SETD3: variants seen among roughly 807,000 people sequenced by gnomAD.
The protein encoded by SETD3 is actin-histidine N-methyltransferase.
A neutral mutation model predicts 63.0 loss-of-function variants in SETD3; 19 were observed. The observed-to-expected ratio is 0.30, with a 90% CI of 0.21 to 0.44. The LOEUF is 0.44. SETD3 is among the 20% of genes least tolerant of loss of function. The probability of loss-of-function intolerance (pLI) is 1.00; values close to 1 mark genes in which losing one functional copy is unlikely to be tolerated. For missense variants in SETD3, 587 were observed against 728.5 expected (o/e 0.81, Z 2.24); for synonymous variants, 286 against 264.1 (o/e 1.08, Z -0.80).
chr14:99,468,114 A>G (rs1308546261), intron 1 of SETD3, among the ~76,000 whole-genome samples: 2 of 151,334 alleles, frequency 1.3e-5, no homozygotes, highest in Non-Finnish European at 2.9e-5. Flanking sequence ...TAGAATCTGA[A>G]CCCAGAACCA....
chr14:99,405,903 C>T (rs1357261066), intron 9 of SETD3, among the ~76,000 whole-genome samples: 1 of 152,176 alleles, frequency 6.6e-6, no homozygotes, highest in African/African-American at 2.4e-5. Flanking sequence ...CAGTACTTTG[C>T]TAGGCAAGTA....
At position 99,475,708 on chromosome 14, in the gene SETD3, G is replaced by A. The variant is rs143061857; in HGVS notation, c.-9+5020C>T. On this transcript the variant is annotated intron_variant, in intron 1 of 12. Coordinates refer to ENST00000331768, the MANE Select transcript of SETD3 (RefSeq NM_032233.3). Reference sequence around the variant, plus strand: ...ACAAAACCCTTCAGATGTGCTCTGAGATGGACTACCCACCTTCCTGGAACT... The same window carrying A: ...ACAAAACCCTTCAGATGTGCTCTGAAATGGACTACCCACCTTCCTGGAACT... 5.8e-3 allele frequency among the ~76,000 whole-genome samples: 890 copies of A among 152,244 alleles called. 9 individuals are homozygous for A. The highest frequency in any genetic ancestry group is 0.02 in the African/African-American group (842 of 41,528).
At chr14:99,481,156 C>T (rs1896296022), upstream of SETD3, 2 of 356,918 alleles carry the variant, frequency 5.6e-6, no homozygotes, top group Non-Finnish European at 1.0e-5. Context: ...GCCCAAGTTC[C>T]GTTAGCAGGT....
At chr14:99,465,677 C>T in intron 2 of SETD3, 26 bp downstream of exon 2, 1 of 1,579,008 alleles carries the variant, frequency 6.3e-7, no homozygotes, top group South Asian at 1.1e-5. Flanking sequence ...CACATCAAGG[C>T]AGGGAGAGCC....
At chr14:99,416,491 A>T (rs186851151) in intron 6 of SETD3, among the ~76,000 whole-genome samples, 137 of 152,350 alleles carry the variant, frequency 9.0e-4, no homozygotes, top group African/African-American at 3.2e-3. Context: ...TATACAATTA[A>T]AACAGAAAAC....
chr14:99,425,582 C>G (rs1180854151), intron 6 of SETD3, among the ~76,000 whole-genome samples: 2 of 152,236 alleles, frequency 1.3e-5, no homozygotes, highest in Non-Finnish European at 2.9e-5. Flanking sequence ...CTGCCATAAT[C>G]GCTTTGTACA....
intron 6 of SETD3, among the ~76,000 whole-genome samples, chr14:99,424,749 G>A (rs1028030936): frequency 2.0e-5 from 3 of 152,062 alleles, no homozygotes; most frequent in Non-Finnish European, 4.4e-5. Flanking sequence ...CTTGTCACAT[G>A]GTCTCAGTTT....
Position 99,404,292 on chromosome 14 carries a change from C to T in SETD3, c.1110G>A (p.Leu370=). ...CAGAGATGGGCGGCTCGGTAAAATG[C>T]AATGCAAAAACACTGGAACTGATAA... The part of the protein sequence containing the change: ...AGIPTSSVFA[L]HFTEPPISAQ... Residue 370 remains leucine (L), a synonymous_variant, in exon 11 of 13, where the codon TTG becomes TTA. Transcript: ENST00000331768. 6.2e-7 allele frequency: 1 copy of T among 1,614,002 alleles called. No homozygotes were observed. The highest frequency in any genetic ancestry group is 8.5e-7 in the Non-Finnish European group (1 of 1,179,952).
At chr14:99,455,574 A>T (rs979047383) in intron 6 of SETD3, among the ~76,000 whole-genome samples, 1 of 152,194 alleles carries the variant, frequency 6.6e-6, no homozygotes, top group African/African-American at 2.4e-5. Flanking sequence ...AGGGATCTGG[A>T]ATCAGCTAAC....
At chr14:99,410,460 G>A (rs1262694289) in intron 8 of SETD3, among the ~76,000 whole-genome samples, 1 of 152,138 alleles carries the variant, frequency 6.6e-6, no homozygotes, top group African/African-American at 2.4e-5. Context: ...TAGAGTCGCA[G>A]ATTCAAATGC....
intron 2 of SETD3, among the ~76,000 whole-genome samples, chr14:99,465,087 C>T (rs949564521): frequency 6.6e-6 from 1 of 152,142 alleles, no homozygotes; most frequent in Non-Finnish European, 1.5e-5. Context: ...AGTGAGTCGT[C>T]ATAGTGCCAT....
At chr14:99,432,662 C>G (rs986275934) in intron 6 of SETD3, among the ~76,000 whole-genome samples, 6 of 152,232 alleles carry the variant, frequency 3.9e-5, no homozygotes, top group Admixed American at 2.6e-4. Context: ...GAGATGGATG[C>G]AGACGTAACA....
At chr14:99,452,734 G>T (rs1217846390) in intron 6 of SETD3, among the ~76,000 whole-genome samples, 1 of 152,106 alleles carries the variant, frequency 6.6e-6, no homozygotes, top group African/African-American at 2.4e-5. Context: ...CAAAAACCAG[G>T]ATCACCACCG....
Position 99,402,334 on chromosome 14 carries a change from A to G in SETD3, c.1177+1891T>C, listed in dbSNP as rs554970799. ...CCTGCACGTGGGCTCTGGAGTTAACAGAGGTGGGTTCTAAGTCAGGGTCAT... is the reference window on the plus strand; with the variant it reads ...CCTGCACGTGGGCTCTGGAGTTAACGGAGGTGGGTTCTAAGTCAGGGTCAT... On this transcript the variant is annotated intron_variant, in intron 11 of 12. Transcript: ENST00000331768. 3.9e-3 allele frequency among the ~76,000 whole-genome samples: 587 copies of G among 152,354 alleles called. 3 individuals are homozygous for G. The highest frequency in any genetic ancestry group is 0.013 in the African/African-American group (553 of 41,592).
Position 99,400,191 on chromosome 14 carries a change from A to T in SETD3, c.1246T>A (p.Phe416Ile), listed in dbSNP as rs1891314651. ...ACCTCGTTGTCCCAGCTAACAGGAA[A>T]TTCCGAGTTCCCCAAGGTGAAGATT... ...DRIFTLGNSE[F>I]PVSWDNEVKL... is the part of the protein sequence containing the mutation. Residue 416 changes from phenylalanine to isoleucine, a missense_variant, in exon 12 of 13, where the codon TTT (phenylalanine) becomes ATT (isoleucine). By Grantham distance (21) the Phe-to-Ile change is conservative. Transcript: ENST00000331768. 1.2e-6 allele frequency: 2 copies of T among 1,614,098 alleles called. No homozygotes were observed. The highest frequency in any genetic ancestry group is 1.7e-6 in the Non-Finnish European group (2 of 1,180,038).
intron 4 of SETD3, among the ~76,000 whole-genome samples, chr14:99,460,193 A>G (rs761865304): frequency 6.6e-6 from 1 of 152,160 alleles, no homozygotes; most frequent in South Asian, 2.1e-4. Context: ...TACCATTCAC[A>G]CAGTAGACAT....
the SETD3 span, among the ~76,000 whole-genome samples, chr14:99,486,104 C>A: frequency 2.0e-5 from 3 of 151,410 alleles, no homozygotes; most frequent in Admixed American, 1.3e-4. Context: ...CTCTAATAAA[C>A]AACTAATCAC....
chr14:99,461,356 T>C lies in SETD3; in HGVS notation c.197-16A>G. 6.2e-7 allele frequency: 1 copy of C among 1,604,644 alleles called. No homozygotes were observed. The highest frequency in any genetic ancestry group is 1.1e-5 in the South Asian group (1 of 88,884). ...ACGGACAGACCTATATTAATCCACG[T>C]TTTAGAAAACAAGAGCTACTTTTAG... is the stretch of plus-strand genomic sequence containing the variant. On this transcript the variant is annotated splice_polypyrimidine_tract_variant and intron_variant, in intron 3 of 12. Coordinates refer to ENST00000331768, the MANE Select transcript of SETD3 (RefSeq NM_032233.3).
At chr14:99,436,526 G>A (rs1418729389) in intron 6 of SETD3, among the ~76,000 whole-genome samples, 1 of 152,146 alleles carries the variant, frequency 6.6e-6, no homozygotes, top group Non-Finnish European at 1.5e-5. Context: ...CTCTATTACA[G>A]CACAGGGATA....
Sources: gnomAD v4.1 joint callset for allele counts (sites outside exome capture counted in the v4.1 genomes callset) on GRCh38, gnomAD v4.1.1 for gene constraint, MANE v1.5 for transcripts, NCBI Gene and HGNC (gene_info 2026-07-23, HGNC 2026-07-21) for gene names.